The following CACNG7 variants were observed in gnomAD, a reference collection of about 807,000 sequenced individuals.
CACNG7 encodes calcium voltage-gated channel auxiliary subunit gamma 7, also known as voltage-dependent calcium channel gamma-7 subunit.
In CACNG7, 9 loss-of-function variants were observed where a neutral mutation model predicts 26.3. The observed-to-expected ratio is 0.34, with a 90% CI of 0.21 to 0.60. CACNG7 has a LOEUF of 0.60. Among genes scored for constraint, CACNG7 ranks in the 20% least tolerant of loss-of-function variants. The probability of loss-of-function intolerance (pLI) is 0.81; values close to 1 mark genes in which losing one functional copy is unlikely to be tolerated. For missense variants in CACNG7, 297 were observed against 380.4 expected (o/e 0.78, Z 1.82); for synonymous variants, 170 against 157.0 (o/e 1.08, Z -0.62).
In CACNG7 at chr19:53,915,510, G is replaced by T. The variant is rs748000116; in HGVS notation, c.424+5G>T. 1 of 1,614,020 alleles carries T rather than the reference G, an allele frequency of 6.2e-7. No individual in the cohort carries two copies. Among genetic ancestry groups the T allele is most frequent in the Non-Finnish European group, 8.5e-7 (1 of 1,179,940 alleles). Reference sequence around the variant, plus strand: ...GCATCTTCTTCATACTATCGGGTGAGCCTAAGGACTTGGGGGTTGGGGGGG... The same window carrying T: ...GCATCTTCTTCATACTATCGGGTGATCCTAAGGACTTGGGGGTTGGGGGGG... On this transcript the variant is annotated splice_donor_5th_base_variant and intron_variant, in intron 4 of 5. Transcript: ENST00000391767.
intron 4 of CACNG7, among the ~76,000 whole-genome samples, chr19:53,925,048 T>C (rs1599985838): frequency 9.3e-6 from 1 of 107,398 alleles, no homozygotes; most frequent in Non-Finnish European, 1.8e-5. Context: ...ATTGGTGGAC[T>C]TGCCCCAGGT....
chr19:53,930,227 GAGACAGAGTC>G (rs2069062299), intron 4 of CACNG7, among the ~76,000 whole-genome samples: 2 of 118,312 alleles, frequency 1.7e-5, no homozygotes, highest in South Asian at 5.4e-4. Context: ...TTTTTTTCTT[GAGACAGAGTC>G]TCACTCTGTC....
At chr19:53,918,352 T>C (rs1202160992) in intron 4 of CACNG7, among the ~76,000 whole-genome samples, 2 of 152,220 alleles carry the variant, frequency 1.3e-5, no homozygotes, top group African/African-American at 2.4e-5. Flanking sequence ...GCCACTGTAG[T>C]ACAAAAGCTG....
At position 53,941,455 on chromosome 19, in the gene CACNG7, C is replaced by T; in HGVS notation, c.425-15C>T. 1 of 1,521,940 alleles carries T rather than the reference C, an allele frequency of 6.6e-7. No individual in the cohort carries two copies. Among genetic ancestry groups the T allele is most frequent in the East Asian group, 2.5e-5 (1 of 39,642 alleles). The allele number at this position is 1,521,940 out of a possible 1,614,324, so 94.3% of individuals were successfully genotyped here. The stretch of plus-strand genomic sequence containing the variant: ...CCACTTCTAATGGACGAGGGCACCC[C>T]CTCTGCTCCCCTAGGCCTCTCCTTG... On this transcript the variant is annotated splice_polypyrimidine_tract_variant and intron_variant, in intron 4 of 5. Coordinates refer to ENST00000391767, the MANE Select transcript of CACNG7 (RefSeq NM_031896.5).
At chr19:53,918,782 T>A (rs1478380586) in intron 4 of CACNG7, among the ~76,000 whole-genome samples, 1 of 152,246 alleles carries the variant, frequency 6.6e-6, no homozygotes, top group Non-Finnish European at 1.5e-5. Flanking sequence ...TTTTTTATTT[T>A]TTTGAGATGG....
At chr19:53,923,399 G>T (rs1268211786) in intron 4 of CACNG7, among the ~76,000 whole-genome samples, 1 of 135,918 alleles carries the variant, frequency 7.4e-6, no homozygotes, top group Admixed American at 7.3e-5. Flanking sequence ...CCCAGGTCTG[G>T]TATTGGTGGA....
At chr19:53,915,632 C>T in intron 4 of CACNG7, 127 bp downstream of exon 4, 1 of 1,073,030 alleles carries the variant, frequency 9.3e-7, no homozygotes, top group Non-Finnish European at 1.3e-6. Flanking sequence ...CTGAGCCCCA[C>T]TTTCCTTCTA....
At chr19:53,933,546 C>G (rs886155735) in intron 4 of CACNG7, among the ~76,000 whole-genome samples, 1 of 152,032 alleles carries the variant, frequency 6.6e-6, no homozygotes, top group Non-Finnish European at 1.5e-5. Flanking sequence ...AGGTGATCCA[C>G]CCGCCTCAGC....
In CACNG7 at chr19:53,912,700, G is replaced by A. The variant is rs944849832; in HGVS notation, c.-29-103G>A. On this transcript the variant is annotated intron_variant, in intron 1 of 5. Coordinates refer to ENST00000391767, the MANE Select transcript of CACNG7 (RefSeq NM_031896.5). This position sits in a 1 kb window ranked among gnomAD's most constrained non-coding sequence, Gnocchi z 4.6. ...GGTCAGATCTGAGATTTCGATTTGG[G>A]AGTCAGTGTCTCTGGCTAGGGCCCA... The A allele has an allele frequency of 8.0e-6, 7 of 875,432 alleles. No homozygotes were observed. Among genetic ancestry groups the A allele is most frequent in the African/African-American group, 1.7e-5 (1 of 59,664 alleles). The allele number at this position is 875,432 out of a possible 1,614,324, so 54.2% of individuals were successfully genotyped here. A position where few individuals can be genotyped will look rare whatever the true frequency, so the allele number is the denominator to read the frequency against.
chr19:53,923,787 G>C (rs2145908274), intron 4 of CACNG7, among the ~76,000 whole-genome samples: 2 of 116,286 alleles, frequency 1.7e-5, no homozygotes, highest in South Asian at 2.8e-4. Flanking sequence ...CATTGGTGCA[G>C]TTGCCCCAGG....
rs2069131147 is a variant in CACNG7 at position 53,940,589 on chromosome 19, G to C, written c.425-881G>C. Among the ~76,000 whole-genome samples, 1 of 151,996 alleles carries C rather than the reference G, an allele frequency of 6.6e-6. No homozygotes were observed. The highest frequency in any genetic ancestry group is 1.5e-5 in the Non-Finnish European group (1 of 68,014). On this transcript the variant is annotated intron_variant, in intron 4 of 5. Coordinates refer to ENST00000391767, the MANE Select transcript of CACNG7 (RefSeq NM_031896.5). The surrounding 1 kb of genome is among the most constrained non-coding windows in gnomAD (Gnocchi z 4.1). ...CCTTGGCGTCAACACCCAGCTCCTG[G>C]GCCCGGCATTCGAGGCTCACCATGG...
At chr19:53,941,376 A>G in intron 4 of CACNG7, 94 bp from the exon 5 acceptor site, 1 of 1,389,370 alleles carries the variant, frequency 7.2e-7, no homozygotes, top group East Asian at 2.7e-5. Flanking sequence ...AGTCCAGGAC[A>G]GAATGGGGAG....
intron 4 of CACNG7, among the ~76,000 whole-genome samples, chr19:53,921,393 C>T (rs867196891): frequency 7.7e-5 from 11 of 142,660 alleles, no homozygotes; most frequent in South Asian, 4.5e-4. Context: ...GGTGGAGTTG[C>T]CCCAGGTCTG....
rs1367876486 is a variant in CACNG7 at position 53,912,482 on chromosome 19, C to T, written c.-29-321C>T. ...AGTATTTGGGACCCAGGTCCAAACA[C>T]GGTTGGAGCCAAGATTCAATCTCTG... On this transcript the variant is annotated intron_variant, in intron 1 of 5. Coordinates refer to ENST00000391767, the MANE Select transcript of CACNG7 (RefSeq NM_031896.5). The surrounding 1 kb of genome is among the most constrained non-coding windows in gnomAD (Gnocchi z 4.6). 6.6e-6 allele frequency among the ~76,000 whole-genome samples: 1 copy of T among 152,150 alleles called. No individual in the cohort carries two copies. The highest frequency in any genetic ancestry group is 2.4e-5 in the African/African-American group (1 of 41,442).
intron 4 of CACNG7, among the ~76,000 whole-genome samples, chr19:53,923,785 C>CAGTTGCCCCAGGTCTGGTCATTGGTGG (rs1568776659): frequency 1.7e-4 from 7 of 41,484 alleles, no homozygotes; most frequent in Admixed American, 8.1e-4. Flanking sequence ...GTCATTGGTG[C>CAGTTGCCCCAGGTCTGGTCATTGGTGG]AGTTGCCCCA....
chr19:53,923,413 G>GGTCTGGTATTGGTGGAGTTT (rs2068983499), intron 4 of CACNG7, among the ~76,000 whole-genome samples: 1 of 88,234 alleles, frequency 1.1e-5, no homozygotes, highest in Admixed American at 1.0e-4. Flanking sequence ...TGGTGGAGTT[G>GGTCTGGTATTGGTGGAGTTT]TCCCCAGGTC....
At chr19:53,910,022 C>T (rs1470197492) in intron 1 of CACNG7, among the ~76,000 whole-genome samples, 1 of 151,838 alleles carries the variant, frequency 6.6e-6, no homozygotes, top group East Asian at 1.9e-4. Flanking sequence ...GGGGGAGGGT[C>T]CCAAAGGAGG....
intron 4 of CACNG7, among the ~76,000 whole-genome samples, chr19:53,927,388 G>C (rs921133157): frequency 2.0e-5 from 3 of 152,184 alleles, no homozygotes; most frequent in African/African-American, 4.8e-5. Context: ...GACATAGTAG[G>C]GTGCTCTGGA....
intron 4 of CACNG7, among the ~76,000 whole-genome samples, chr19:53,921,641 G>C (rs1244915418): frequency 1.2e-5 from 1 of 80,006 alleles, no homozygotes; most frequent in Non-Finnish European, 2.2e-5. Context: ...TCGTCCCCAG[G>C]TCTGGTCATT....
Sources: allele counts gnomAD v4.1 joint callset (sites outside exome capture counted in the v4.1 genomes callset), GRCh38; gene constraint gnomAD v4.1.1; non-coding constraint Gnocchi (gnomAD v3.1); transcripts MANE v1.5; gene names NCBI Gene and HGNC (gene_info 2026-07-23, HGNC 2026-07-21).